CEP152: variants seen among roughly 807,000 people sequenced by gnomAD.
CEP152 encodes centrosomal protein 152, also known as centrosomal protein of 152 kDa.
Under a neutral mutation model 188.9 loss-of-function variants are expected in CEP152, and 132 were observed. The observed-to-expected ratio is 0.70, with a 90% CI of 0.61 to 0.81. The LOEUF (loss-of-function observed/expected upper bound fraction) is 0.81. Ranked by LOEUF, CEP152 falls within the 30% of genes least tolerant of loss-of-function variation. CEP152 has a pLI of 0.00. For missense variants in CEP152, 1,914 were observed against 1,969.8 expected (o/e 0.97, Z 0.54); for synonymous variants, 649 against 666.6 (o/e 0.97, Z 0.41).
Position 48,796,289 on chromosome 15 carries a change from TAC to T in CEP152, c.541-131_541-130del, listed in dbSNP as rs3074978. 43,541 of 544,302 alleles carry T rather than the reference TAC, an allele frequency of 0.08. 885 individuals are homozygous for T. The highest frequency in any genetic ancestry group is 0.16 in the African/African-American group (7,524 of 45,874). 33.7% of individuals were successfully genotyped at this position (544,302 alleles called of 1,614,324 possible). A position where few individuals can be genotyped will look rare whatever the true frequency, so the allele number is the denominator to read the frequency against. On this transcript the variant is annotated intron_variant, in intron 5 of 26. Transcript: ENST00000380950. ...TACAGTTCAAAGTTGTTTATATATA[TAC>T]ACACACACACACACACACACACACA...
chr15:48,760,323 C>T, intron 18 of CEP152, 57 bp from the exon 19 acceptor site: 2 of 1,590,198 alleles, frequency 1.3e-6, no homozygotes, highest in Non-Finnish European at 1.7e-6. Context: ...AAAAAAGATC[C>T]CATTTTTAAA....
chr15:48,783,157 A>G lies in CEP152; in HGVS notation c.1321+816T>C, dbSNP rs1896375196. 3.9e-5 allele frequency: 6 copies of G among 152,358 alleles called. No individual in the cohort carries two copies. The South Asian group carries it at 1.2e-3, about 32-fold the overall frequency. The allele number at this position is 152,358 out of a possible 1,614,324, so 9.4% of individuals were successfully genotyped here. A position where few individuals can be genotyped will look rare whatever the true frequency, so the allele number is the denominator to read the frequency against. ...TTCACAATGTGAGCTACTTACCAGC[A>G]AACAGGGAAGTTTTGTCTATATAGC... On this transcript the variant is annotated intron_variant, in intron 10 of 26. Coordinates refer to ENST00000380950, the MANE Select transcript of CEP152 (RefSeq NM_001194998.2).
intron 17 of CEP152, chr15:48,765,530 C>A (rs1595634783): frequency 5.1e-6 from 2 of 390,892 alleles, no homozygotes; most frequent in East Asian, 1.6e-4. Context: ...TTGTAACTGA[C>A]CCATTATATG....
chr15:48,788,496 G>C lies in CEP152; in HGVS notation c.1173+305C>G, dbSNP rs1039519670. 2.6e-5 allele frequency among the ~76,000 whole-genome samples: 4 copies of C among 151,610 alleles called. No homozygotes were observed. In the East Asian group the frequency reaches 7.8e-4, roughly 29 times the overall value. On this transcript the variant is annotated intron_variant, in intron 9 of 26. Transcript: ENST00000380950. ...TTACAGGCACGCACCACTGCGCCCG[G>C]CTAATTTTTTTTTTTTTTTTGTATT...
chr15:48,762,344 GAGAC>G (rs760803531), intron 18 of CEP152, 43 bp downstream of exon 18: 1 of 1,532,132 alleles, frequency 6.5e-7, no homozygotes, highest in Non-Finnish European at 9.0e-7. Flanking sequence ...TTTTCATTAA[GAGAC>G]AGGCAGTTCC....
intron 19 of CEP152, 149 bp downstream of exon 19, chr15:48,759,986 A>C: frequency 1.0e-6 from 1 of 992,048 alleles, no homozygotes; most frequent in Non-Finnish European, 1.5e-6. Flanking sequence ...TGACAAGAAC[A>C]CTTGCTAGGC....
chr15:48,738,515 T>C lies in CEP152; in HGVS notation c.4867A>G (p.Ser1623Gly), dbSNP rs1892726213. Reference sequence around the variant, plus strand: ...TTCATTGTTTGACAAATCATATTACTTTCCTCTGTATCTGAAAGATAACCG... The same window carrying C: ...TTCATTGTTTGACAAATCATATTACCTTCCTCTGTATCTGAAAGATAACCG... ...PSGYLSDTEE[S>G]NMICQTMKCQ... The change falls in exon 27 of 27, where the codon AGT becomes GGT. Residue 1623 changes from serine (S) to glycine (G), a missense_variant. Physicochemically the swap from Ser to Gly is moderately conservative, Grantham distance 56. Coordinates refer to ENST00000380950, the MANE Select transcript of CEP152 (RefSeq NM_001194998.2). 6.2e-6 allele frequency: 10 copies of C among 1,614,238 alleles called. No individual in the cohort carries two copies. Among genetic ancestry groups the C allele is most frequent in the Non-Finnish European group, 8.5e-6 (10 of 1,180,036 alleles).
At chr15:48,797,130 C>G (rs1897345600) in intron 5 of CEP152, among the ~76,000 whole-genome samples, 171 bp downstream of exon 5, 1 of 152,218 alleles carries the variant, frequency 6.6e-6, no homozygotes, top group Admixed American at 6.5e-5. Context: ...AGACTGTAAA[C>G]AGAAAATACC....
intron 12 of CEP152, among the ~76,000 whole-genome samples, chr15:48,778,185 C>T (rs1896037382): frequency 6.6e-6 from 1 of 152,152 alleles, no homozygotes; most frequent in African/African-American, 2.4e-5. Context: ...TGAGGCTAAA[C>T]CCTTAAAATT....
rs753528041 is a variant in CEP152 at position 48,795,975 on chromosome 15, TG to T, written c.691+34del. Reference sequence around the variant, plus strand: ...GTGTATTCAAATTTCCCCAATTATGTGGTATTAAAAAATAAATATAAACTTG... The same window carrying T: ...GTGTATTCAAATTTCCCCAATTATGTGTATTAAAAAATAAATATAAACTTG... On this transcript the variant is annotated intron_variant, in intron 6 of 26. Transcript: ENST00000380950. The T allele has an allele frequency of 8.2e-6, 13 of 1,577,658 alleles. No homozygotes were observed. In the African/African-American group the frequency reaches 1.6e-4, roughly 20 times the overall value.
At chr15:48,757,968 T>G (rs1485786962) in intron 19 of CEP152, among the ~76,000 whole-genome samples, 2 of 152,242 alleles carry the variant, frequency 1.3e-5, no homozygotes, top group Non-Finnish European at 1.5e-5. Context: ...CATTTTCTCA[T>G]GTGAAGTTTT....
At chr15:48,763,484 G>C (rs2140723651) in intron 17 of CEP152, among the ~76,000 whole-genome samples, 1 of 152,174 alleles carries the variant, frequency 6.6e-6, no homozygotes, top group African/African-American at 2.4e-5. Context: ...GACCAGCCTG[G>C]CCAACATGGC....
intron 26 of CEP152, chr15:48,741,227 T>G (rs554393405): frequency 2.7e-6 from 3 of 1,103,474 alleles, no homozygotes; most frequent in Non-Finnish European, 3.3e-6. Context: ...ATTCCTGGGA[T>G]CAAGGGATCC....
intron 24 of CEP152, among the ~76,000 whole-genome samples, chr15:48,743,266 T>C (rs1341236095): frequency 6.6e-6 from 1 of 152,212 alleles, no homozygotes; most frequent in African/African-American, 2.4e-5. Flanking sequence ...CAATTATATT[T>C]GAAACTTCAG....
Position 48,739,257 on chromosome 15 carries a change from T to A in CEP152, c.4125A>T (p.Ala1375=). ...CATCATTTCTTTTTGATTTTTTAAC[T>A]GCAATCAGCATCTCTGAAGTTAGGG... ...ALPLTSEMLI[A]VKKSKRNDVN... The change falls in exon 27 of 27, where the codon GCA becomes GCT. Residue 1375 remains alanine, a synonymous_variant. Transcript: ENST00000380950. 5.0e-6 allele frequency: 8 copies of A among 1,613,162 alleles called. 1 individual carries two copies. In the South Asian group the frequency reaches 8.8e-5, roughly 18 times the overall value.
At chr15:48,737,360 A>G (rs1233857647), downstream of CEP152, among the ~76,000 whole-genome samples, 5 of 152,208 alleles carry the variant, frequency 3.3e-5, no homozygotes, top group African/African-American at 1.2e-4. Context: ...ATCGCTAGGG[A>G]TCTGAAAAAG....
At chr15:48,781,500 T>C (rs1283884345) in intron 11 of CEP152, 141 bp from the exon 12 acceptor site, 2 of 638,792 alleles carry the variant, frequency 3.1e-6, no homozygotes, top group Non-Finnish European at 5.4e-6. Context: ...CATTATACTT[T>C]ATAAAGGTCG....
chr15:48,767,198 A>C lies in CEP152; in HGVS notation c.2148-6T>G. 1 of 1,613,872 alleles carries C rather than the reference A, an allele frequency of 6.2e-7. No individual in the cohort carries two copies. The highest frequency in any genetic ancestry group is 8.5e-7 in the Non-Finnish European group (1 of 1,180,018). ...TCAACTTATCCAACTCAGACCTTGG[A>C]TACACAAAACCAGCAACTAAATGAT... On this transcript the variant is annotated splice_region_variant and splice_polypyrimidine_tract_variant and intron_variant, in intron 16 of 26. Transcript: ENST00000380950.
chr15:48,787,688 C>A (rs1177487637), intron 9 of CEP152, among the ~76,000 whole-genome samples: 1 of 152,082 alleles, frequency 6.6e-6, no homozygotes, highest in Non-Finnish European at 1.5e-5. Flanking sequence ...TCAGAAATAA[C>A]CCAAATCAGC....
Sources: allele counts gnomAD v4.1 joint callset (sites outside exome capture counted in the v4.1 genomes callset), GRCh38; gene constraint gnomAD v4.1.1; transcripts MANE v1.5; gene names NCBI Gene and HGNC (gene_info 2026-07-23, HGNC 2026-07-21).